DLGAP2: variants seen among roughly 807,000 people sequenced by gnomAD.
The protein encoded by DLGAP2 is disks large-associated protein 2.
Under a neutral mutation model 100.3 loss-of-function variants are expected in DLGAP2, and 26 were observed. That is an observed-to-expected ratio of 0.26 (90% confidence interval 0.19 to 0.36). DLGAP2 has a LOEUF of 0.36. Ranked by LOEUF, DLGAP2 falls within the 10% of genes least tolerant of loss-of-function variation. The probability of loss-of-function intolerance (pLI) is 1.00; values close to 1 mark genes in which losing one functional copy is unlikely to be tolerated. For synonymous variants in DLGAP2, 886 were observed against 630.1 expected, an observed-to-expected ratio of 1.41 and a Z score of -6.08; for missense variants, 1,858 against 1,453.2, an observed-to-expected ratio of 1.28 and a Z score of -4.53.
At chr8:1,047,162 C>T (rs962190252) in intron 2 of DLGAP2, among the ~76,000 whole-genome samples, 5 of 152,174 alleles carry the variant, frequency 3.3e-5, no homozygotes, top group African/African-American at 9.7e-5. Context: ...TTCCCCAGAC[C>T]CTGGAAAACA....
At chr8:812,370 C>T (rs964314431) in intron 1 of DLGAP2, among the ~76,000 whole-genome samples, 3 of 152,136 alleles carry the variant, frequency 2.0e-5, no homozygotes, top group African/African-American at 4.8e-5. Context: ...ATGGTGTCTG[C>T]GGGAAGTCCC....
intron 1 of DLGAP2, among the ~76,000 whole-genome samples, chr8:762,737 A>C (rs987283057): frequency 2.6e-5 from 4 of 151,920 alleles, no homozygotes; most frequent in Non-Finnish European, 4.4e-5. Flanking sequence ...TGGCACAGTC[A>C]CCACAATCAC....
intron 2 of DLGAP2, among the ~76,000 whole-genome samples, chr8:1,134,166 T>C (rs926667382): frequency 3.3e-5 from 5 of 152,250 alleles, no homozygotes; most frequent in Non-Finnish European, 7.3e-5. Flanking sequence ...GCCAAGGACA[T>C]GATCTTGTTC....
chr8:1,052,214 T>C (rs989029844), intron 2 of DLGAP2, among the ~76,000 whole-genome samples: 1 of 152,156 alleles, frequency 6.6e-6, no homozygotes, highest in Non-Finnish European at 1.5e-5. Context: ...CTTCCCCCCA[T>C]TCTCATGCAT....
intron 5 of DLGAP2, among the ~76,000 whole-genome samples, chr8:1,560,517 C>T (rs1370889327): frequency 6.6e-6 from 1 of 152,178 alleles, no homozygotes; most frequent in Admixed American, 6.5e-5. Flanking sequence ...ACCAATTCCC[C>T]AGTCCCTGAC....
chr8:1,151,205 C>G (rs556387308), intron 2 of DLGAP2, among the ~76,000 whole-genome samples: 23 of 152,320 alleles, frequency 1.5e-4, no homozygotes, highest in African/African-American at 5.3e-4. Context: ...TACCCTCTTT[C>G]ATTTTTCAGC....
intron 1 of DLGAP2, among the ~76,000 whole-genome samples, chr8:790,736 A>T (rs1822001825): frequency 6.6e-6 from 1 of 152,080 alleles, no homozygotes; most frequent in Admixed American, 6.6e-5. Flanking sequence ...CCTTCATGTG[A>T]AAAGATTTTT....
chr8:1,172,813 T>C (rs1227471142), intron 2 of DLGAP2, among the ~76,000 whole-genome samples: 5 of 152,218 alleles, frequency 3.3e-5, no homozygotes, highest in Non-Finnish European at 7.3e-5. Context: ...TTTTAACTTC[T>C]TTGCCTATGG....
In DLGAP2 at chr8:1,376,367, A is replaced by T. The variant is rs576287043; in HGVS notation, c.106+117484A>T. 2.5e-3 allele frequency among the ~76,000 whole-genome samples: 377 copies of T among 152,334 alleles called. 2 individuals are homozygous for T. The highest frequency in any genetic ancestry group is 8.5e-3 in the African/African-American group (355 of 41,586). ...GCAGTCCCTCTAGAGAGCATCGGCC[A>T]CGGGGGCCTGCAGAGAGAGGAGCTT... On this transcript the variant is annotated intron_variant, in intron 3 of 14. Transcript: ENST00000637795.
intron 7 of DLGAP2, among the ~76,000 whole-genome samples, chr8:1,627,868 G>C (rs1055024547): frequency 6.6e-6 from 1 of 151,530 alleles, no homozygotes; most frequent in Non-Finnish European, 1.5e-5. Flanking sequence ...CATTCTGTCT[G>C]ACTTACTGTG....
At chr8:1,113,899 A>T (rs7463875) in intron 2 of DLGAP2, among the ~76,000 whole-genome samples, 2 of 152,258 alleles carry the variant, frequency 1.3e-5, no homozygotes, top group African/African-American at 4.8e-5. Context: ...GAGAATTTTT[A>T]ACATGAAGAG....
intron 1 of DLGAP2, among the ~76,000 whole-genome samples, chr8:830,251 C>T (rs988410216): frequency 3.9e-5 from 6 of 152,278 alleles, no homozygotes; most frequent in African/African-American, 1.2e-4. Context: ...ATAATCACAT[C>T]AGGGTCAGTG....
chr8:1,339,686 G>A (rs949204670), intron 3 of DLGAP2, among the ~76,000 whole-genome samples: 9 of 152,118 alleles, frequency 5.9e-5, no homozygotes, highest in Admixed American at 5.2e-4. Context: ...CGTTTAATAG[G>A]GGGATCCGGA....
chr8:1,127,482 T>A (rs1796195053), intron 2 of DLGAP2, among the ~76,000 whole-genome samples: 1 of 152,102 alleles, frequency 6.6e-6, no homozygotes, highest in Admixed American at 6.5e-5. Flanking sequence ...CGCGTTGCTT[T>A]TCCCCGGAGG....
chr8:1,281,594 C>G (rs1303588470), intron 3 of DLGAP2, among the ~76,000 whole-genome samples: 2 of 152,178 alleles, frequency 1.3e-5, no homozygotes, highest in Non-Finnish European at 2.9e-5. Flanking sequence ...CAGTTTTGAG[C>G]CCGTCCTCAT....
intron 2 of DLGAP2, among the ~76,000 whole-genome samples, chr8:1,199,168 A>T (rs1304270458): frequency 6.6e-6 from 1 of 152,232 alleles, no homozygotes; most frequent in Non-Finnish European, 1.5e-5. Context: ...ATTACTGAAG[A>T]GAATTCTGGG....
intron 2 of DLGAP2, among the ~76,000 whole-genome samples, chr8:1,161,031 C>A (rs113761378): frequency 0.029 from 4,429 of 152,316 alleles, 101 homozygotes; most frequent in Non-Finnish European, 0.039. Flanking sequence ...TTATATCCAA[C>A]TTATTCCTGA....
At chr8:1,194,883 T>C (rs946847513) in intron 2 of DLGAP2, among the ~76,000 whole-genome samples, 2 of 152,226 alleles carry the variant, frequency 1.3e-5, no homozygotes, top group African/African-American at 4.8e-5. Flanking sequence ...GTGTCTGTGC[T>C]TGGTGCTCAC....
intron 2 of DLGAP2, among the ~76,000 whole-genome samples, chr8:1,055,083 ACTT>A (rs1802838087): frequency 6.6e-6 from 1 of 152,232 alleles, no homozygotes; most frequent in South Asian, 2.1e-4. Context: ...ATAAGGATCA[ACTT>A]CTTAAAAATT....
Sources: allele counts gnomAD v4.1 joint callset (sites outside exome capture counted in the v4.1 genomes callset), GRCh38; gene constraint gnomAD v4.1.1; transcripts MANE v1.5; gene names NCBI Gene and HGNC (gene_info 2026-07-23, HGNC 2026-07-21).